The following MAN1A2 variants were observed in gnomAD, a reference collection of about 807,000 sequenced individuals.
MAN1A2 encodes mannosyl-oligosaccharide 1,2-alpha-mannosidase IB.
Under a neutral mutation model 75.7 loss-of-function variants are expected in MAN1A2, and 26 were observed. The ratio of observed to expected loss-of-function variants is 0.34; its 90% CI spans 0.25 to 0.48. MAN1A2 has a LOEUF of 0.48. Ranked by LOEUF, MAN1A2 falls within the 20% of genes least tolerant of loss-of-function variation. The pLI is 0.99. For missense variants in MAN1A2, 562 were observed against 775.5 expected (o/e 0.72, Z 3.27); for synonymous variants, 247 against 264.6 (o/e 0.93, Z 0.65).
chr1:117,383,774 G>C (rs938166271), intron 1 of MAN1A2, among the ~76,000 whole-genome samples: 1 of 151,442 alleles, frequency 6.6e-6, no homozygotes, highest in Non-Finnish European at 1.5e-5. Context: ...AAGCGTTGGG[G>C]GTCTGTGTTG....
At chr1:117,439,638 C>T (rs995433803) in intron 5 of MAN1A2, among the ~76,000 whole-genome samples, 2 of 151,892 alleles carry the variant, frequency 1.3e-5, no homozygotes, top group Admixed American at 6.6e-5. Flanking sequence ...GGACTATAGG[C>T]GCGCACCACC....
At chr1:117,402,563 GT>G (rs1647475160) in intron 2 of MAN1A2, 122 bp downstream of exon 2, 1 of 844,860 alleles carries the variant, frequency 1.2e-6, no homozygotes, top group South Asian at 3.6e-5. Flanking sequence ...TTGTAGTATA[GT>G]TTCCAGGTTG....
intron 6 of MAN1A2, among the ~76,000 whole-genome samples, chr1:117,446,760 A>G (rs61805789): frequency 0.25 from 38,131 of 151,808 alleles, 5,585 homozygotes; most frequent in East Asian, 0.48. Flanking sequence ...TGGGTATAAC[A>G]TTCTGTATAT....
intron 1 of MAN1A2, 136 bp downstream of exon 1, chr1:117,368,621 C>T: frequency 1.3e-6 from 1 of 774,066 alleles, no homozygotes; most frequent in Admixed American, 2.9e-5. Flanking sequence ...TACTTCAAGA[C>T]TGGCTGAATA....
rs1651745981 is a variant in MAN1A2 at position 117,517,455 on chromosome 1, AATCAAATTTCTC to A, written c.1794-5369_1794-5358del. Among the ~76,000 whole-genome samples the A allele has an allele frequency of 2.6e-5, 4 of 152,290 alleles. No homozygotes were observed. The South Asian group carries it at 8.3e-4, about 32-fold the overall frequency. On this transcript the variant is annotated intron_variant, in intron 12 of 12. Coordinates refer to ENST00000356554, the MANE Select transcript of MAN1A2 (RefSeq NM_006699.5). ...GAGACCTAGAAGATATAAAAACCCA[AATCAAATTTCTC>A]TAAACAAAAACTGTAATGTTTCAGT... is the stretch of plus-strand genomic sequence containing the variant.
chr1:117,458,503 A>C (rs1249726775), intron 6 of MAN1A2, among the ~76,000 whole-genome samples: 7 of 101,340 alleles, frequency 6.9e-5, no homozygotes, highest in South Asian at 3.7e-4. Flanking sequence ...ATATCTATAT[A>C]TATATATAGA....
intron 4 of MAN1A2, among the ~76,000 whole-genome samples, chr1:117,417,721 C>T (rs892843562): frequency 6.6e-6 from 1 of 150,992 alleles, no homozygotes; most frequent in African/African-American, 2.4e-5. Context: ...CTCTCTCTCT[C>T]TCTCTCTCTC....
chr1:117,477,762 A>G (rs560177981), intron 8 of MAN1A2, among the ~76,000 whole-genome samples: 1 of 152,146 alleles, frequency 6.6e-6, no homozygotes, highest in South Asian at 2.1e-4. Context: ...CCCATACAAC[A>G]TAGTACTGGA....
At chr1:117,472,022 G>A (rs751392937) in intron 8 of MAN1A2, among the ~76,000 whole-genome samples, 5 of 151,722 alleles carry the variant, frequency 3.3e-5, no homozygotes, top group African/African-American at 7.3e-5. Flanking sequence ...AATATAATAC[G>A]GATCTGGATC....
intron 12 of MAN1A2, among the ~76,000 whole-genome samples, chr1:117,517,480 G>A (rs1286508814): frequency 5.9e-5 from 9 of 152,212 alleles, no homozygotes; most frequent in African/African-American, 2.2e-4. Flanking sequence ...AACAAAAACT[G>A]TAATGTTTCA....
chr1:117,495,388 A>G (rs1473299872), intron 9 of MAN1A2, among the ~76,000 whole-genome samples: 1 of 151,916 alleles, frequency 6.6e-6, no homozygotes, highest in Non-Finnish European at 1.5e-5. Flanking sequence ...AAAATAAATG[A>G]CATATGGAAT....
intron 12 of MAN1A2, among the ~76,000 whole-genome samples, chr1:117,514,508 T>G (rs1651651927): frequency 6.6e-6 from 1 of 152,202 alleles, no homozygotes. Context: ...TTTACTGCTG[T>G]TGTTATCTTC....
chr1:117,461,211 C>T (rs531571448), intron 7 of MAN1A2, among the ~76,000 whole-genome samples: 1 of 152,222 alleles, frequency 6.6e-6, no homozygotes, highest in Non-Finnish European at 1.5e-5. Context: ...AATTTTTACT[C>T]AGCCATGGAA....
At position 117,525,780 on chromosome 1, in the gene MAN1A2, A is replaced by C. The variant is rs1195266564; in HGVS notation, c.*2823A>C. 1 of 151,760 alleles carries C rather than the reference A, an allele frequency of 6.6e-6. No homozygotes were observed. The highest frequency in any genetic ancestry group is 6.6e-5 in the Admixed American group (1 of 15,172). 9.4% of individuals were successfully genotyped at this position (151,760 alleles called of 1,614,324 possible). On this transcript the variant is annotated 3_prime_UTR_variant, in exon 13 of 13. Transcript: ENST00000356554. ...AACCAGTATTAAGTTGTTAAAACCA[A>C]GGGAATGGGGCCCTAACCAAAAAGA...
chr1:117,434,493 A>G (rs1156704821), intron 5 of MAN1A2, among the ~76,000 whole-genome samples: 1 of 152,202 alleles, frequency 6.6e-6, no homozygotes, highest in African/African-American at 2.4e-5. Context: ...CTAGGAATCT[A>G]TTATCTAAAA....
intron 1 of MAN1A2, among the ~76,000 whole-genome samples, chr1:117,371,711 C>T (rs1264301434): frequency 6.6e-6 from 1 of 151,932 alleles, no homozygotes; most frequent in African/African-American, 2.4e-5. Context: ...GATGAGAGGT[C>T]AGGTTTGGCC....
chr1:117,368,393 A>G lies in MAN1A2; in HGVS notation c.210A>G (p.Leu70=), dbSNP rs201901389. The change falls in exon 1 of 13, where the codon TTA becomes TTG. Residue 70 remains leucine (L), a synonymous_variant. Coordinates refer to ENST00000356554, the MANE Select transcript of MAN1A2 (RefSeq NM_006699.5). ...SSKHKRFDLG[L]EDVLIPHVDA... is the part of the protein sequence containing the mutation. ...AACACAAACGCTTTGATTTGGGTTT[A>G]GAAGATGTGTTAATTCCACATGTAG... is the stretch of plus-strand genomic sequence containing the variant. 33 of 1,614,100 alleles carry G rather than the reference A, an allele frequency of 2.0e-5. No homozygotes were observed. The highest frequency in any genetic ancestry group is 2.5e-5 in the Non-Finnish European group (30 of 1,179,994).
chr1:117,475,676 C>G (rs1022279226), intron 8 of MAN1A2, among the ~76,000 whole-genome samples: 1 of 152,032 alleles, frequency 6.6e-6, no homozygotes, highest in African/African-American at 2.4e-5. Context: ...CAACCATGTC[C>G]CTGCAAAGGA....
chr1:117,430,356 G>T (rs1170563042), intron 5 of MAN1A2, among the ~76,000 whole-genome samples: 17 of 100,912 alleles, frequency 1.7e-4, no homozygotes, highest in Admixed American at 6.0e-4. Flanking sequence ...GGGCGGAGAC[G>T]CTCCTCACTT....
Sources: allele counts gnomAD v4.1 joint callset (sites outside exome capture counted in the v4.1 genomes callset), GRCh38; gene constraint gnomAD v4.1.1; transcripts MANE v1.5; gene names NCBI Gene and HGNC (gene_info 2026-07-23, HGNC 2026-07-21).